Variants in STARD10 observed in about 807,000 individuals in gnomAD.
STARD10 encodes START domain-containing protein 10.
Under a neutral mutation model 36.0 loss-of-function variants are expected in STARD10, and 24 were observed. That is an observed-to-expected ratio of 0.67 (90% CI 0.48 to 0.94). The LOEUF (loss-of-function observed/expected upper bound fraction) is 0.94, where lower values mean the gene tolerates loss of function less well. Among genes scored for constraint, STARD10 ranks in the 40% least tolerant of loss-of-function variants. STARD10 has a pLI of 0.00. For synonymous variants in STARD10, 156 were observed against 161.9 expected (o/e 0.96, Z 0.28); for missense variants, 335 against 396.6 (o/e 0.84, Z 1.32).
At chr11:72,791,210 G>T (rs1859138996) in intron 1 of STARD10, among the ~76,000 whole-genome samples, 1 of 152,178 alleles carries the variant, frequency 6.6e-6, no homozygotes, top group Non-Finnish European at 1.5e-5. Context: ...TGGGGTCACA[G>T]TCTTAAATCA....
chr11:72,757,559 A>C (rs749904109), intron 5 of STARD10, among the ~76,000 whole-genome samples: 3 of 152,252 alleles, frequency 2.0e-5, no homozygotes, highest in Non-Finnish European at 4.4e-5. Flanking sequence ...TCCCAGCTTC[A>C]TCAGTGGGGC....
At chr11:72,782,785 A>C (rs1859022102) in intron 1 of STARD10, among the ~76,000 whole-genome samples, 1 of 152,044 alleles carries the variant, frequency 6.6e-6, no homozygotes, top group Non-Finnish European at 1.5e-5. Context: ...GCTCTGTGTG[A>C]ACTGAGGCCA....
intron 2 of STARD10, among the ~76,000 whole-genome samples, chr11:72,770,619 C>T (rs1374537879): frequency 2.6e-5 from 4 of 152,164 alleles, no homozygotes; most frequent in Non-Finnish European, 5.9e-5. Flanking sequence ...CTGAGACTAC[C>T]CATCTGATGC....
intron 2 of STARD10, chr11:72,780,168 C>G (rs774543602): frequency 2.2e-6 from 1 of 449,222 alleles, no homozygotes; most frequent in Admixed American, 2.4e-5. Flanking sequence ...AGAGTCTTCA[C>G]GAGCCCCTGC....
At position 72,780,965 on chromosome 11, in the gene STARD10, G is replaced by A. The variant is rs1458100199; in HGVS notation, c.207+10C>T. 9.3e-6 allele frequency: 15 copies of A among 1,613,826 alleles called. No individual in the cohort carries two copies. Among genetic ancestry groups the A allele is most frequent in the Non-Finnish European group, 1.3e-5 (15 of 1,179,838 alleles). ...GCAGTGGAGGCTGCAGGTATAGCGG[G>A]CAACCCTACCTTGATCTTGTGCAGC... On this transcript the variant is annotated intron_variant, in intron 2 of 6. Transcript: ENST00000334805.
chr11:72,789,219 C>T (rs1008589936), intron 1 of STARD10, among the ~76,000 whole-genome samples: 1 of 152,136 alleles, frequency 6.6e-6, no homozygotes, highest in African/African-American at 2.4e-5. Flanking sequence ...TGAGTTAATC[C>T]CGTGGAGTGC....
intron 1 of STARD10, among the ~76,000 whole-genome samples, chr11:72,782,701 G>C (rs1176371709): frequency 5.3e-5 from 8 of 152,130 alleles, no homozygotes; most frequent in Admixed American, 5.2e-4. Context: ...CTGCACCAGC[G>C]CTCCTGCCAT....
Position 72,755,084 on chromosome 11 carries a change from A to C in STARD10, c.689T>G (p.Leu230Arg). ...LKYPEWKQKH[L>R]PHFKPWLHPE... is the part of the protein sequence containing the mutation. ...GTGCAGCCACGGCTTGAAGTGAGGCAGGTGCTTCTGTTTCCACTCGGGGTA... is the reference window on the plus strand; with the variant it reads ...GTGCAGCCACGGCTTGAAGTGAGGCCGGTGCTTCTGTTTCCACTCGGGGTA... The change falls in exon 7 of 7, where the codon CTG becomes CGG. Residue 230 changes from leucine (L) to arginine (R), a missense_variant. Physicochemically the swap from Leu to Arg is moderately radical, Grantham distance 102 (BLOSUM62 -2). Coordinates refer to ENST00000334805, the MANE Select transcript of STARD10 (RefSeq NM_006645.3). 1 of 1,613,430 alleles carries C rather than the reference A, an allele frequency of 6.2e-7. No homozygotes were observed. Among genetic ancestry groups the C allele is most frequent in the Non-Finnish European group, 8.5e-7 (1 of 1,179,780 alleles).
Position 72,755,063 on chromosome 11 carries a change from A to G in STARD10, c.710T>C (p.Leu237Pro). Residue 237 changes from leucine (L) to proline (P), a missense_variant, in exon 7 of 7, where the codon CTG becomes CCG. By Grantham distance (98) the Leu-to-Pro change is moderately conservative. Coordinates refer to ENST00000334805, the MANE Select transcript of STARD10 (RefSeq NM_006645.3). Reference protein sequence around the residue: ...QKHLPHFKPWLHPEQSPLPSL... With the variant: ...QKHLPHFKPWPHPEQSPLPSL... ...CGGCAACGGGCTCTGCTCCGGGTGC[A>G]GCCACGGCTTGAAGTGAGGCAGGTG... is the stretch of plus-strand genomic sequence containing the variant. 13 of 1,613,316 alleles carry G rather than the reference A, an allele frequency of 8.1e-6. No homozygotes were observed. The highest frequency in any genetic ancestry group is 1.0e-5 in the Non-Finnish European group (12 of 1,179,744).
intron 2 of STARD10, among the ~76,000 whole-genome samples, chr11:72,775,364 G>A (rs145753157): frequency 6.6e-6 from 1 of 152,160 alleles, no homozygotes; most frequent in East Asian, 1.9e-4. Flanking sequence ...ACCTTCCCCT[G>A]GCACCCCAGA....
intron 1 of STARD10, among the ~76,000 whole-genome samples, chr11:72,787,059 G>A (rs951673966): frequency 6.7e-6 from 1 of 149,170 alleles, no homozygotes; most frequent in Non-Finnish European, 1.5e-5. Flanking sequence ...ACTCTAGCCT[G>A]GGTGACAGAG....
At chr11:72,783,141 A>G (rs1859026847) in intron 1 of STARD10, among the ~76,000 whole-genome samples, 1 of 152,206 alleles carries the variant, frequency 6.6e-6, no homozygotes, top group Non-Finnish European at 1.5e-5. Flanking sequence ...TGCTTCACAA[A>G]TAGAGGTGTT....
rs1465607748 is a variant in STARD10, at chr11:72,754,754, G to A, written c.*143C>T. On this transcript the variant is annotated 3_prime_UTR_variant, in exon 7 of 7. Transcript: ENST00000334805. ...TGAGGCTGTGGGATCGTTTATTGGG[G>A]CTCTGTCCAGCCAGGCTGCAGCACC... is the stretch of plus-strand genomic sequence containing the variant. 1.6e-6 allele frequency: 2 copies of A among 1,262,332 alleles called. No homozygotes were observed. Among genetic ancestry groups the A allele is most frequent in the Non-Finnish European group, 2.2e-6 (2 of 903,564 alleles). The allele number at this position is 1,262,332 out of a possible 1,614,324, so 78.2% of individuals were successfully genotyped here. A position where few individuals can be genotyped will look rare whatever the true frequency, so the allele number is the denominator to read the frequency against.
intron 5 of STARD10, 34 bp from the exon 6 acceptor site, chr11:72,755,787 G>A (rs766361119): frequency 3.1e-6 from 5 of 1,591,462 alleles, no homozygotes; most frequent in East Asian, 4.5e-5. Context: ...AGCAGCCTCA[G>A]GGACCCAGCC....
rs749368054 is a variant in STARD10 at position 72,757,871 on chromosome 11, C to T, written c.473G>A (p.Arg158Gln). The T allele has an allele frequency of 5.6e-6, 9 of 1,614,004 alleles. No individual in the cohort carries two copies. Among genetic ancestry groups the T allele is most frequent in the Middle Eastern group, 1.6e-4 (1 of 6,082 alleles). ...GGACACAGCTCGGACCAAGTCTTTC[C>T]GAGGTGGGTATTTCTGGGGATGGAA... is the stretch of plus-strand genomic sequence containing the variant. Reference protein sequence around the residue: ...YSVKHPKYPPRKDLVRAVSIQ... With the variant: ...YSVKHPKYPPQKDLVRAVSIQ... The change falls in exon 5 of 7, where the codon CGG becomes CAG. Residue 158 changes from arginine (R) to glutamine (Q), a missense_variant. Transcript: ENST00000334805.
At chr11:72,787,904 G>A (rs983065007) in intron 1 of STARD10, among the ~76,000 whole-genome samples, 1 of 152,174 alleles carries the variant, frequency 6.6e-6, no homozygotes, top group African/African-American at 2.4e-5. Flanking sequence ...TCAAAGTTGG[G>A]GCCTCAGTGT....
At chr11:72,758,705 C>T in intron 3 of STARD10, 72 bp from the exon 4 acceptor site, 3 of 1,103,964 alleles carry the variant, frequency 2.7e-6, no homozygotes, top group Non-Finnish European at 4.0e-6. Flanking sequence ...TGGCAGAGGC[C>T]AGAGATGCAG....
chr11:72,755,646 C>A (rs1477122616), intron 6 of STARD10, 55 bp downstream of exon 6: 2 of 1,597,136 alleles, frequency 1.3e-6, no homozygotes, highest in African/African-American at 2.7e-5. Context: ...CACCTCATTC[C>A]ATAGTCCTCT....
intron 1 of STARD10, among the ~76,000 whole-genome samples, chr11:72,782,950 C>T (rs111461371): frequency 1.3e-5 from 2 of 152,196 alleles, no homozygotes; most frequent in African/African-American, 4.8e-5. Flanking sequence ...CTCCCACCTC[C>T]GTTCCTGTCT....
Sources: allele counts gnomAD v4.1 joint callset (sites outside exome capture counted in the v4.1 genomes callset), GRCh38; gene constraint gnomAD v4.1.1; transcripts MANE v1.5; gene names NCBI Gene and HGNC (gene_info 2026-07-23, HGNC 2026-07-21).